Variants in MYRIP observed in about 807,000 individuals in gnomAD.
The protein encoded by MYRIP is rab effector MyRIP.
Under a neutral mutation model 98.0 loss-of-function variants are expected in MYRIP, and 49 were observed. The observed-to-expected ratio is 0.50, with a 90% CI of 0.40 to 0.63. The LOEUF is 0.63. Among genes scored for constraint, MYRIP ranks in the 30% least tolerant of loss-of-function variants. MYRIP has a pLI of 0.00. For synonymous variants in MYRIP, 404 were observed against 409.5 expected (o/e 0.99, Z 0.16); for missense variants, 1,004 against 1,058.2 (o/e 0.95, Z 0.71).
chr3:40,258,213 C>A lies in MYRIP; in HGVS notation c.*47C>A. On this transcript the variant is annotated 3_prime_UTR_variant, in exon 17 of 17. Coordinates refer to ENST00000302541, the MANE Select transcript of MYRIP (RefSeq NM_015460.4). ...GTGACCCACTGCCTCCGGCCGTACA[C>A]GACAGTGCCTTGACCCAACAGCCAT... 6.2e-7 allele frequency: 1 copy of A among 1,611,288 alleles called. No individual in the cohort carries two copies. Among genetic ancestry groups the A allele is most frequent in the Non-Finnish European group, 8.5e-7 (1 of 1,177,446 alleles).
At chr3:40,250,889 C>T (rs772087385) in intron 15 of MYRIP, among the ~76,000 whole-genome samples, 4 of 152,230 alleles carry the variant, frequency 2.6e-5, no homozygotes, top group Admixed American at 6.5e-5. Context: ...TGTTCTAAAA[C>T]TCCCATCCAT....
At position 40,056,179 on chromosome 3, in the gene MYRIP, G is replaced by C. The variant is rs185321447; in HGVS notation, c.332+11908G>C. 2.6e-5 allele frequency among the ~76,000 whole-genome samples: 4 copies of C among 152,214 alleles called. No homozygotes were observed. The East Asian group carries it at 7.7e-4, about 29-fold the overall frequency. ...GCCTGGGCATTCTTTCCGTTCCTTG[G>C]GATGTAATTAAATATGAAGCTAGTT... On this transcript the variant is annotated intron_variant, in intron 3 of 16. Coordinates refer to ENST00000302541, the MANE Select transcript of MYRIP (RefSeq NM_015460.4).
At chr3:40,226,980 A>G (rs914950831) in intron 11 of MYRIP, among the ~76,000 whole-genome samples, 1 of 152,076 alleles carries the variant, frequency 6.6e-6, no homozygotes, top group Non-Finnish European at 1.5e-5. Context: ...TGTGCTTCCA[A>G]ACCTTACCCC....
chr3:39,989,281 C>G (rs2125769596), intron 2 of MYRIP, among the ~76,000 whole-genome samples: 1 of 152,170 alleles, frequency 6.6e-6, no homozygotes, highest in Non-Finnish European at 1.5e-5. Context: ...GTTATCAGGT[C>G]CCTCTTCTGT....
At chr3:40,167,344 ATCTT>A in intron 7 of MYRIP, 105 bp downstream of exon 7, 6 of 1,015,030 alleles carry the variant, frequency 5.9e-6, no homozygotes, top group Non-Finnish European at 9.0e-6. Context: ...CTAGCACTGT[ATCTT>A]CTGTGCCTTC....
At chr3:40,246,418 A>G (rs962238041) in intron 13 of MYRIP, among the ~76,000 whole-genome samples, 3 of 152,220 alleles carry the variant, frequency 2.0e-5, no homozygotes, top group Admixed American at 6.5e-5. Context: ...TTCATCTTGC[A>G]CTCAGTAAAT....
intron 3 of MYRIP, among the ~76,000 whole-genome samples, chr3:40,103,791 A>C (rs1353582383): frequency 6.6e-6 from 1 of 152,182 alleles, no homozygotes; most frequent in African/African-American, 2.4e-5. Flanking sequence ...CTGGCTACAG[A>C]AGAACAGGTA....
At chr3:40,179,961 C>T (rs542938143) in intron 8 of MYRIP, among the ~76,000 whole-genome samples, 49 of 152,316 alleles carry the variant, frequency 3.2e-4, no homozygotes, top group African/African-American at 1.1e-3. Flanking sequence ...TCCTCAATCT[C>T]TATCCTCTCT....
At chr3:40,186,849 C>T (rs1054646191) in intron 9 of MYRIP, among the ~76,000 whole-genome samples, 1 of 152,186 alleles carries the variant, frequency 6.6e-6, no homozygotes, top group African/African-American at 2.4e-5. Context: ...CCCTTACCAC[C>T]TGACTGACAA....
chr3:40,080,723 C>T (rs571126223), intron 3 of MYRIP, among the ~76,000 whole-genome samples: 40 of 146,976 alleles, frequency 2.7e-4, no homozygotes, highest in African/African-American at 9.0e-4. Flanking sequence ...ATCTTTTTCT[C>T]TTTTCAAAAA....
At chr3:39,898,689 T>A (rs1335383459) in intron 1 of MYRIP, among the ~76,000 whole-genome samples, 1 of 152,170 alleles carries the variant, frequency 6.6e-6, no homozygotes, top group Non-Finnish European at 1.5e-5. Context: ...GTGGTGGTAG[T>A]GACTGTCAAT....
intron 2 of MYRIP, among the ~76,000 whole-genome samples, chr3:40,010,523 C>T (rs74817349): frequency 0.017 from 2,594 of 152,312 alleles, 62 homozygotes; most frequent in African/African-American, 0.058. Context: ...AAGAGCAGAA[C>T]AGGACAGCCC....
intron 9 of MYRIP, among the ~76,000 whole-genome samples, chr3:40,185,703 G>C (rs925853665): frequency 6.6e-6 from 1 of 152,140 alleles, no homozygotes; most frequent in Admixed American, 6.5e-5. Flanking sequence ...AGGAGAAGGA[G>C]AGCTGGCAAT....
intron 1 of MYRIP, among the ~76,000 whole-genome samples, chr3:39,850,792 C>T (rs1942108188): frequency 6.6e-6 from 1 of 152,076 alleles, no homozygotes. Flanking sequence ...ACTTTTATTA[C>T]AGACAGAAGA....
At chr3:40,051,304 G>A (rs950093435) in intron 3 of MYRIP, among the ~76,000 whole-genome samples, 6 of 151,988 alleles carry the variant, frequency 3.9e-5, no homozygotes, top group Admixed American at 2.6e-4. Context: ...AGCAACCATC[G>A]ACATCAAGAC....
At chr3:39,822,870 T>C (rs2125574850) in intron 1 of MYRIP, among the ~76,000 whole-genome samples, 1 of 86,028 alleles carries the variant, frequency 1.2e-5, no homozygotes, top group South Asian at 3.3e-4. Context: ...ATTTGATTCT[T>C]TTTTTTTTTT....
At chr3:40,033,229 C>G (rs78106473) in intron 2 of MYRIP, among the ~76,000 whole-genome samples, 35,649 of 123,956 alleles carry the variant, frequency 0.29, 5,689 homozygotes, top group Middle Eastern at 0.36. Flanking sequence ...GGGCAATTAG[C>G]CAGGAGAAGG....
chr3:40,054,289 C>T (rs1346760701), intron 3 of MYRIP, among the ~76,000 whole-genome samples: 1 of 152,088 alleles, frequency 6.6e-6, no homozygotes, highest in Non-Finnish European at 1.5e-5. Flanking sequence ...CCTTGGTATA[C>T]AAAGTTTGAC....
At chr3:40,178,171 G>A (rs1428976003) in intron 8 of MYRIP, among the ~76,000 whole-genome samples, 1 of 152,018 alleles carries the variant, frequency 6.6e-6, no homozygotes, top group Admixed American at 6.6e-5. Context: ...TTAAAGCTGC[G>A]GTTGGTGCCA....
Sources: gnomAD v4.1 joint callset for allele counts (sites outside exome capture counted in the v4.1 genomes callset) on GRCh38, gnomAD v4.1.1 for gene constraint, MANE v1.5 for transcripts, NCBI Gene and HGNC (gene_info 2026-07-23, HGNC 2026-07-21) for gene names.